NHLRC4: variants seen among roughly 807,000 people sequenced by gnomAD.
NHLRC4 encodes the protein NHL-repeat-containing protein 4.
For synonymous variants in NHLRC4, 73 were observed against 69.0 expected, an observed-to-expected ratio of 1.06 and a Z score of -0.29; for missense variants, 158 against 155.4, an observed-to-expected ratio of 1.02 and a Z score of -0.09.
rs186424598 is a variant in NHLRC4, at chr16:567,080, G to A, written c.-578+5G>A. Reference sequence around the variant, plus strand: ...GCCCAGCGAGACAGGGCCCAGGTAAGAGACCCCTCCCCCCGGCCTCTCTCG... The same window carrying A: ...GCCCAGCGAGACAGGGCCCAGGTAAAAGACCCCTCCCCCCGGCCTCTCTCG... On this transcript the variant is annotated splice_donor_5th_base_variant and intron_variant, in intron 1 of 1. Coordinates refer to ENST00000424439, the MANE Select transcript of NHLRC4 (RefSeq NM_001301159.2). 2 of 153,838 alleles carry A rather than the reference G, an allele frequency of 1.3e-5. No individual in the cohort carries two copies. The highest frequency in any genetic ancestry group is 3.9e-4 in the East Asian group (2 of 5,070). 9.5% of individuals were successfully genotyped at this position (153,838 alleles called of 1,614,324 possible).
rs761520161 is a variant in NHLRC4, at chr16:568,012, T to C, written c.-36T>C. 6 of 1,499,510 alleles carry C rather than the reference T, an allele frequency of 4.0e-6. No individual in the cohort carries two copies. The highest frequency in any genetic ancestry group is 1.8e-4 in the Middle Eastern group (1 of 5,588). 92.9% of individuals were successfully genotyped at this position (1,499,510 alleles called of 1,614,324 possible). On this transcript the variant is annotated 5_prime_UTR_variant, in exon 2 of 2. Transcript: ENST00000424439. Reference sequence around the variant, plus strand: ...GCCTGGGGCTGTGCACAGCTTCTCGTTGGGTCCTGCTTGGGAGCCCCTGGC... The same window carrying C: ...GCCTGGGGCTGTGCACAGCTTCTCGCTGGGTCCTGCTTGGGAGCCCCTGGC...
rs1296769264 is a variant in NHLRC4 at position 567,076 on chromosome 16, G to GT, written c.-578+2dup. The GT allele has an allele frequency of 1.3e-5, 2 of 153,846 alleles. No homozygotes were observed. The highest frequency in any genetic ancestry group is 1.3e-4 in the Admixed American group (2 of 15,210). 9.5% of individuals were successfully genotyped at this position (153,846 alleles called of 1,614,324 possible). Reference sequence around the variant, plus strand: ...CAGGGCCCAGCGAGACAGGGCCCAGGTAAGAGACCCCTCCCCCCGGCCTCT... The same window carrying GT: ...CAGGGCCCAGCGAGACAGGGCCCAGGTTAAGAGACCCCTCCCCCCGGCCTCT... On this transcript the variant is annotated splice_donor_variant, in intron 1 of 1. Transcript: ENST00000424439. LOFTEE classifies it low-confidence loss of function (5UTR_SPLICE).
chr16:567,645 C>T lies in NHLRC4; in HGVS notation c.-403C>T, dbSNP rs1047297823. The T allele has an allele frequency of 2.2e-5, 4 of 177,916 alleles. No homozygotes were observed. The highest frequency in any genetic ancestry group is 1.4e-4 in the South Asian group (1 of 7,038). The allele number at this position is 177,916 out of a possible 1,614,324, so 11.0% of individuals were successfully genotyped here. On this transcript the variant is annotated 5_prime_UTR_variant, in exon 2 of 2. Coordinates refer to ENST00000424439, the MANE Select transcript of NHLRC4 (RefSeq NM_001301159.2). ...GGCTGCTTGGGTGGATCCGGGTGCC[C>T]GCAGGGGCTGTGGGAGGGCCCCGGG...
Position 567,993 on chromosome 16 carries a change from G to A in NHLRC4, c.-55G>A. 2 of 1,483,074 alleles carry A rather than the reference G, an allele frequency of 1.3e-6. No homozygotes were observed. The highest frequency in any genetic ancestry group is 2.8e-5 in the South Asian group (2 of 72,148). 91.9% of individuals were successfully genotyped at this position (1,483,074 alleles called of 1,614,324 possible). On this transcript the variant is annotated 5_prime_UTR_variant, in exon 2 of 2. Transcript: ENST00000424439. ...TCCTGGTGACGGACTACTTGCCTGG[G>A]GCTGTGCACAGCTTCTCGTTGGGTC...
Position 568,451 on chromosome 16 carries a change from C to T in NHLRC4, c.*32C>T, listed in dbSNP as rs770036411. The T allele has an allele frequency of 2.5e-6, 4 of 1,586,642 alleles. No individual in the cohort carries two copies. The highest frequency in any genetic ancestry group is 2.7e-5 in the African/African-American group (2 of 74,404). On this transcript the variant is annotated 3_prime_UTR_variant, in exon 2 of 2. Transcript: ENST00000424439. ...GCTGGGTTGGAGCAGCCCTCCTGTG[C>T]CTGAGGCCAGCTCCCAGGCCCTTGG...
Position 567,711 on chromosome 16 carries a change from C to A in NHLRC4, c.-337C>A. 4.0e-6 allele frequency: 1 copy of A among 252,218 alleles called. No homozygotes were observed. Among genetic ancestry groups the A allele is most frequent in the Non-Finnish European group, 7.7e-6 (1 of 129,552 alleles). The allele number at this position is 252,218 out of a possible 1,614,324, so 15.6% of individuals were successfully genotyped here. The stretch of plus-strand genomic sequence containing the variant: ...CCGATGGCCTGCTCTTCCTCACGGC[C>A]GGGGCTGCACCCTGTGTCCACGTGC... On this transcript the variant is annotated 5_prime_UTR_variant, in exon 2 of 2. Transcript: ENST00000424439.
At position 569,160 on chromosome 16, in the gene NHLRC4, G is replaced by A. The variant is rs1177244435; in HGVS notation, c.*741G>A. 1 of 166,906 alleles carries A rather than the reference G, an allele frequency of 6.0e-6. No individual in the cohort carries two copies. The allele number at this position is 166,906 out of a possible 1,614,324, so 10.3% of individuals were successfully genotyped here. On this transcript the variant is annotated 3_prime_UTR_variant, in exon 2 of 2. Coordinates refer to ENST00000424439, the MANE Select transcript of NHLRC4 (RefSeq NM_001301159.2). ...CAGTGCAGCCGTGCTGGGAGGGTCT[G>A]GGGGAGCTTCCTACAAGGAGAGACT...
In NHLRC4 at chr16:568,212, C is replaced by T. The variant is rs747316721; in HGVS notation, c.165C>T (p.Cys55=). 9 of 1,612,022 alleles carry T rather than the reference C, an allele frequency of 5.6e-6. No homozygotes were observed. Among genetic ancestry groups the T allele is most frequent in the Non-Finnish European group, 6.8e-6 (8 of 1,179,610 alleles). The change falls in exon 2 of 2, where the codon TGC becomes TGT. Residue 55 remains cysteine (C), a synonymous_variant. Transcript: ENST00000424439. ...CTTTCGGCTGCCCAGCGGGCATCTG[C>T]TCCAACTCAGAGGGCAATGTTATTG... ...GHTFGCPAGI[C]SNSEGNVIVA...
chr16:567,145 C>T (rs902601050), intron 1 of NHLRC4, 70 bp downstream of exon 1: 2 of 153,956 alleles, frequency 1.3e-5, no homozygotes, highest in Non-Finnish European at 2.9e-5. Context: ...CTGCCTCGCC[C>T]CTAAGGGGTC....
chr16:567,921 C>G lies in NHLRC4; in HGVS notation c.-127C>G. 9.8e-7 allele frequency: 1 copy of G among 1,025,506 alleles called. No homozygotes were observed. The highest frequency in any genetic ancestry group is 1.7e-5 in the South Asian group (1 of 57,974). 63.5% of individuals were successfully genotyped at this position (1,025,506 alleles called of 1,614,324 possible). ...CCGGGGGCCACTGGGTGACAGTGGG[C>G]ACCTTCCTGTCTCCCCGAGGGCTGG... On this transcript the variant is annotated 5_prime_UTR_variant, in exon 2 of 2. Transcript: ENST00000424439.
In NHLRC4 at chr16:567,053, G is replaced by C. The variant is rs1018419871; in HGVS notation, c.-600G>C. On this transcript the variant is annotated 5_prime_UTR_variant, in exon 1 of 2. Coordinates refer to ENST00000424439, the MANE Select transcript of NHLRC4 (RefSeq NM_001301159.2). The stretch of plus-strand genomic sequence containing the variant: ...GCTGCAGCCACCCAGCCCCGAAGCA[G>C]GGCCCAGCGAGACAGGGCCCAGGTA... 1 of 154,416 alleles carries C rather than the reference G, an allele frequency of 6.5e-6. No homozygotes were observed. The highest frequency in any genetic ancestry group is 1.5e-5 in the Non-Finnish European group (1 of 68,204). The allele number at this position is 154,416 out of a possible 1,614,324, so 9.6% of individuals were successfully genotyped here.
Position 569,227 on chromosome 16 carries a change from C to T in NHLRC4, c.*808C>T, listed in dbSNP as rs2035580237. The T allele has an allele frequency of 6.0e-6, 1 of 166,984 alleles. No individual in the cohort carries two copies. Among genetic ancestry groups the T allele is most frequent in the Non-Finnish European group, 1.5e-5 (1 of 68,138 alleles). 10.3% of individuals were successfully genotyped at this position (166,984 alleles called of 1,614,324 possible). The stretch of plus-strand genomic sequence containing the variant: ...ACTGAGAAAAAATAGGGGTCTAACC[C>T]TCTCCTCCCATTTTACAAGTGGGGA... On this transcript the variant is annotated 3_prime_UTR_variant, in exon 2 of 2. Coordinates refer to ENST00000424439, the MANE Select transcript of NHLRC4 (RefSeq NM_001301159.2).
rs2035558066 is a variant in NHLRC4 at position 567,939 on chromosome 16, A to G, written c.-109A>G. ...CAGTGGGCACCTTCCTGTCTCCCCGAGGGCTGGCTGTGGATGCCCTCAACC... is the reference window on the plus strand; with the variant it reads ...CAGTGGGCACCTTCCTGTCTCCCCGGGGGCTGGCTGTGGATGCCCTCAACC... On this transcript the variant is annotated 5_prime_UTR_variant, in exon 2 of 2. Transcript: ENST00000424439. 2 of 1,223,136 alleles carry G rather than the reference A, an allele frequency of 1.6e-6. No homozygotes were observed. The highest frequency in any genetic ancestry group is 2.2e-6 in the Non-Finnish European group (2 of 905,414). 75.8% of individuals were successfully genotyped at this position (1,223,136 alleles called of 1,614,324 possible). A position where few individuals can be genotyped will look rare whatever the true frequency, so the allele number is the denominator to read the frequency against.
rs2035557353 is a variant in NHLRC4 at position 567,899 on chromosome 16, G to T, written c.-149G>T. 9 of 813,800 alleles carry T rather than the reference G, an allele frequency of 1.1e-5. No homozygotes were observed. Among genetic ancestry groups the T allele is most frequent in the Middle Eastern group, 2.3e-4 (1 of 4,384 alleles). 50.4% of individuals were successfully genotyped at this position (813,800 alleles called of 1,614,324 possible). On this transcript the variant is annotated 5_prime_UTR_variant, in exon 2 of 2. Coordinates refer to ENST00000424439, the MANE Select transcript of NHLRC4 (RefSeq NM_001301159.2). ...CTCCAGCACACAGCCCGGGACCCCG[G>T]GGGCCACTGGGTGACAGTGGGCACC...
Position 567,789 on chromosome 16 carries a change from C to CG in NHLRC4, c.-255dup, listed in dbSNP as rs2035555894. ...TCCTGCCCTGCCGCACTCCGGGGAG[C>CG]GGGGCCTTCGTTCCAGAGGACGTGG... On this transcript the variant is annotated 5_prime_UTR_variant, in exon 2 of 2. Transcript: ENST00000424439. The CG allele has an allele frequency of 4.2e-6, 2 of 472,274 alleles. No individual in the cohort carries two copies. The highest frequency in any genetic ancestry group is 4.0e-5 in the African/African-American group (2 of 49,826). 29.3% of individuals were successfully genotyped at this position (472,274 alleles called of 1,614,324 possible). A position where few individuals can be genotyped will look rare whatever the true frequency, so the allele number is the denominator to read the frequency against.
Position 568,382 on chromosome 16 carries a change from C to A in NHLRC4, c.335C>A (p.Ser112Tyr), listed in dbSNP as rs1466773494. 3 of 1,611,654 alleles carry A rather than the reference C, an allele frequency of 1.9e-6. No homozygotes were observed. The African/African-American group carries it at 4.0e-5, about 22-fold the overall frequency. Residue 112 changes from serine (S) to tyrosine (Y), a missense_variant, in exon 2 of 2, where the codon TCC (serine) becomes TAC (tyrosine). By Grantham distance (144) the Ser-to-Tyr change is moderately radical. Transcript: ENST00000424439. ...CTGGTGGCTGATGCCAAGGACAACT[C>A]CATCAAGGTGTACCAGGGCCTCAAG... is the stretch of plus-strand genomic sequence containing the variant. ...QLLVADAKDN[S>Y]IKVYQGLKEL...
Position 568,607 on chromosome 16 carries a change from C to T in NHLRC4, c.*188C>T. 1.5e-6 allele frequency: 1 copy of T among 671,148 alleles called. No individual in the cohort carries two copies. Among genetic ancestry groups the T allele is most frequent in the Non-Finnish European group, 2.5e-6 (1 of 395,382 alleles). The allele number at this position is 671,148 out of a possible 1,614,324, so 41.6% of individuals were successfully genotyped here. On this transcript the variant is annotated 3_prime_UTR_variant, in exon 2 of 2. Transcript: ENST00000424439. The stretch of plus-strand genomic sequence containing the variant: ...CTCCTGCTGGTGAGGCTCCGGATCT[C>T]AGGAGCAGCCCTGAGTCTGCTTCCC...
Position 568,715 on chromosome 16 carries a change from A to G in NHLRC4, c.*296A>G. 1 of 396,716 alleles carries G rather than the reference A, an allele frequency of 2.5e-6. No individual in the cohort carries two copies. The highest frequency in any genetic ancestry group is 6.8e-4 in the Middle Eastern group (1 of 1,478). 24.6% of individuals were successfully genotyped at this position (396,716 alleles called of 1,614,324 possible). ...ATTCAGTGCCCTGGCCCCTGCATTC[A>G]TGCCCCCCACACCCCCTCAGGCCCT... On this transcript the variant is annotated 3_prime_UTR_variant, in exon 2 of 2. Transcript: ENST00000424439.
rs764008340 is a variant in NHLRC4, at chr16:568,185, C to G, written c.138C>G (p.His46Gln). Residue 46 changes from histidine to glutamine, a missense_variant, in exon 2 of 2, where the codon CAC becomes CAG. Coordinates refer to ENST00000424439, the MANE Select transcript of NHLRC4 (RefSeq NM_001301159.2). ...GCTCCCTGGGGGGCTGGACGGGGCA[C>G]ACTTTCGGCTGCCCAGCGGGCATCT... The part of the protein sequence containing the change: ...PLGSLGGWTG[H>Q]TFGCPAGICS... The G allele has an allele frequency of 1.9e-6, 3 of 1,611,458 alleles. No individual in the cohort carries two copies. The African/African-American group carries it at 4.0e-5, about 22-fold the overall frequency.
Sources: allele counts gnomAD v4.1 joint callset, GRCh38; gene constraint gnomAD v4.1.1; transcripts MANE v1.5; gene names NCBI Gene and HGNC (gene_info 2026-07-23, HGNC 2026-07-21).